MKRN2: variants seen among roughly 807,000 people sequenced by gnomAD.
The protein encoded by MKRN2 is makorin ring finger protein 2, also known as E3 ubiquitin-protein ligase makorin-2.
Under a neutral mutation model 45.4 loss-of-function variants are expected in MKRN2, and 32 were observed. The ratio of observed to expected loss-of-function variants is 0.70; its 90% CI spans 0.53 to 0.95. The LOEUF is 0.95. MKRN2 is among the 40% of genes least tolerant of loss of function. The pLI is 0.00. For synonymous variants in MKRN2, 206 were observed against 192.4 expected, an observed-to-expected ratio of 1.07 and a Z score of -0.59; for missense variants, 526 against 536.7, an observed-to-expected ratio of 0.98 and a Z score of 0.20.
At chr3:12,578,858 A>ATTT (rs374121518) in intron 6 of MKRN2, among the ~76,000 whole-genome samples, 14,836 of 124,470 alleles carry the variant, frequency 0.12, 1,107 homozygotes, top group Non-Finnish European at 0.18. Flanking sequence ...CTAAAGCTTG[A>ATTT]TTTTTTTTTT....
chr3:12,580,564 TGCCTCA>T (rs1396986677), intron 6 of MKRN2, among the ~76,000 whole-genome samples: 2 of 151,524 alleles, frequency 1.3e-5, no homozygotes, highest in Non-Finnish European at 2.9e-5. Context: ...GCAATTCTCC[TGCCTCA>T]GCCTCAGCCT....
At chr3:12,571,978 C>A (rs995818622) in intron 3 of MKRN2, 91 bp from the exon 4 acceptor site, 1 of 1,289,494 alleles carries the variant, frequency 7.8e-7, no homozygotes, top group Non-Finnish European at 1.0e-6. Context: ...ATTCTTAGGT[C>A]AGAGTAGCTT....
At chr3:12,566,161 G>T (rs2058068096) in intron 1 of MKRN2, among the ~76,000 whole-genome samples, 2 of 152,122 alleles carry the variant, frequency 1.3e-5, no homozygotes, top group Non-Finnish European at 2.9e-5. Flanking sequence ...GACTATTTAT[G>T]GATCTTTAAA....
chr3:12,564,198 G>A (rs539405747), intron 1 of MKRN2, among the ~76,000 whole-genome samples: 1 of 152,214 alleles, frequency 6.6e-6, no homozygotes, highest in South Asian at 2.1e-4. Flanking sequence ...CACCCACCTC[G>A]GCCTCCCACA....
chr3:12,572,349 A>G lies in MKRN2; in HGVS notation c.618A>G (p.Pro206=). The change falls in exon 4 of 8, where the codon CCA becomes CCG. Residue 206 remains proline (P), a synonymous_variant. Transcript: ENST00000170447. ...TGCAAGTCTTGCACCCATTCGACCC[A>G]GAGCAGAGGAAGGCTCATGAAAAGG... The part of the protein sequence containing the change: ...CRLQVLHPFD[P]EQRKAHEKIC... 6.3e-7 allele frequency: 1 copy of G among 1,583,172 alleles called. No homozygotes were observed. The highest frequency in any genetic ancestry group is 8.6e-7 in the Non-Finnish European group (1 of 1,161,250).
At chr3:12,576,881 G>T in intron 6 of MKRN2, 140 bp downstream of exon 6, 1 of 480,690 alleles carries the variant, frequency 2.1e-6, no homozygotes, top group Non-Finnish European at 3.8e-6. Context: ...GCTGGGCTCT[G>T]GGATGCAGCA....
At chr3:12,569,985 A>G in intron 2 of MKRN2, 86 bp from the exon 3 acceptor site, 1 of 1,305,900 alleles carries the variant, frequency 7.7e-7, no homozygotes, top group Non-Finnish European at 1.0e-6. Context: ...CAAGTGCAGC[A>G]GAAGGAGGGC....
Position 12,583,587 on chromosome 3 carries a change from G to A in MKRN2, c.*1334G>A. The A allele has an allele frequency of 4.4e-6, 1 of 227,658 alleles. No individual in the cohort carries two copies. Among genetic ancestry groups the A allele is most frequent in the South Asian group, 1.8e-4 (1 of 5,472 alleles). 14.1% of individuals were successfully genotyped at this position (227,658 alleles called of 1,614,324 possible). A position where few individuals can be genotyped will look rare whatever the true frequency, so the allele number is the denominator to read the frequency against. On this transcript the variant is annotated 3_prime_UTR_variant, in exon 8 of 8. Coordinates refer to ENST00000170447, the MANE Select transcript of MKRN2 (RefSeq NM_014160.5). ...GAGCTCAGAATTACTTTAAAAGGAG[G>A]TAACAGCCAGCCATTACACCTAAAT...
intron 3 of MKRN2, 79 bp downstream of exon 3, chr3:12,570,331 C>T: frequency 7.0e-7 from 1 of 1,438,474 alleles, no homozygotes; most frequent in Non-Finnish European, 9.5e-7. Flanking sequence ...CTAGCCTCCT[C>T]TTGTCAAGAG....
intron 1 of MKRN2, among the ~76,000 whole-genome samples, chr3:12,563,336 G>A (rs182399383): frequency 1.3e-3 from 193 of 152,290 alleles, no homozygotes; most frequent in African/African-American, 4.5e-3. Flanking sequence ...CTTTTGGGGA[G>A]AGAAACAGGT....
At chr3:12,557,238 C>T in intron 1 of MKRN2, 62 bp downstream of exon 1, 3 of 1,513,514 alleles carry the variant, frequency 2.0e-6, no homozygotes, top group South Asian at 2.5e-5. Context: ...GGCCGGTGCG[C>T]GCCAGTGCTG....
intron 1 of MKRN2, among the ~76,000 whole-genome samples, chr3:12,561,649 A>G (rs904092733): frequency 6.6e-6 from 1 of 152,146 alleles, no homozygotes; most frequent in African/African-American, 2.4e-5. Flanking sequence ...ACTATACAGT[A>G]TTTATTCGAT....
chr3:12,575,978 A>G (rs1265127212), intron 5 of MKRN2, among the ~76,000 whole-genome samples: 1 of 152,206 alleles, frequency 6.6e-6, no homozygotes, highest in Non-Finnish European at 1.5e-5. Context: ...GCTGCTGTCA[A>G]CATTTGTGAA....
intron 5 of MKRN2, 93 bp downstream of exon 5, chr3:12,575,099 A>G (rs940512895): frequency 3.4e-6 from 4 of 1,186,318 alleles, no homozygotes; most frequent in Non-Finnish European, 4.8e-6. Context: ...CGTTACCCTC[A>G]AGAGTAACTG....
intron 6 of MKRN2, 120 bp from the exon 7 acceptor site, chr3:12,581,688 C>CT: frequency 9.0e-7 from 1 of 1,106,998 alleles, no homozygotes; most frequent in Non-Finnish European, 1.3e-6. Flanking sequence ...GCTGCCCCAC[C>CT]TAGAATGTGA....
intron 1 of MKRN2, among the ~76,000 whole-genome samples, chr3:12,565,143 G>T (rs1162119414): frequency 6.6e-6 from 1 of 152,216 alleles, no homozygotes; most frequent in East Asian, 1.9e-4. Context: ...ATACCTAGGC[G>T]TAGAATTGTT....
intron 1 of MKRN2, 35 bp downstream of exon 1, chr3:12,557,211 C>A: frequency 6.5e-7 from 1 of 1,530,286 alleles, no homozygotes; most frequent in Non-Finnish European, 8.8e-7. Flanking sequence ...TCGGGCCGCT[C>A]CCCCAGGCCG....
In MKRN2 at chr3:12,557,114, G is replaced by C. The variant is rs1282594794; in HGVS notation, c.-37G>C. On this transcript the variant is annotated 5_prime_UTR_variant, in exon 1 of 8. Coordinates refer to ENST00000170447, the MANE Select transcript of MKRN2 (RefSeq NM_014160.5). ...GGCCGAGGCGGCAGCGGCTGCGAGA[G>C]GCGGCGGCACGACGACGGTCCCTCA... 5 of 1,493,032 alleles carry C rather than the reference G, an allele frequency of 3.3e-6. No individual in the cohort carries two copies. The highest frequency in any genetic ancestry group is 4.4e-6 in the Non-Finnish European group (5 of 1,123,996). The allele number at this position is 1,493,032 out of a possible 1,614,324, so 92.5% of individuals were successfully genotyped here.
chr3:12,573,252 TG>T (rs964054260), intron 4 of MKRN2, among the ~76,000 whole-genome samples: 2 of 151,988 alleles, frequency 1.3e-5, no homozygotes, highest in Non-Finnish European at 2.9e-5. Flanking sequence ...GGGCCAGGCA[TG>T]GTGACTCACA....
Sources: gnomAD v4.1 joint callset for allele counts (sites outside exome capture counted in the v4.1 genomes callset) on GRCh38, gnomAD v4.1.1 for gene constraint, MANE v1.5 for transcripts, NCBI Gene and HGNC (gene_info 2026-07-23, HGNC 2026-07-21) for gene names.